The following ARHGEF3 variants were observed in gnomAD, a reference collection of about 807,000 sequenced individuals.
The protein encoded by ARHGEF3 is Rho guanine nucleotide exchange factor 3, also known as 59.8 kDA protein.
ARHGEF3 carries 28 observed loss-of-function variants against 63.2 expected under a neutral mutation model. The ratio of observed to expected loss-of-function variants is 0.44; its 90% CI spans 0.33 to 0.61. The LOEUF (loss-of-function observed/expected upper bound fraction) is 0.61. Ranked by LOEUF, ARHGEF3 falls within the 20% of genes least tolerant of loss-of-function variation. ARHGEF3 has a pLI of 0.03. For synonymous variants in ARHGEF3, 266 were observed against 254.2 expected, an observed-to-expected ratio of 1.05 and a Z score of -0.44; for missense variants, 533 against 659.3, an observed-to-expected ratio of 0.81 and a Z score of 2.10.
chr3:56,986,708 C>T (rs3924042), intron 2 of ARHGEF3, among the ~76,000 whole-genome samples: 80,409 of 151,334 alleles, frequency 0.53, 21,667 homozygotes, highest in East Asian at 0.71. Flanking sequence ...CTGGTCACCT[C>T]GAAGGCAGTT....
intron 6 of ARHGEF3, among the ~76,000 whole-genome samples, 178 bp downstream of exon 6, chr3:56,750,878 C>A (rs997185582): frequency 1.3e-4 from 19 of 151,652 alleles, no homozygotes; most frequent in African/African-American, 4.4e-4. Flanking sequence ...AAACTATTTT[C>A]ATGCTTTAAA....
chr3:57,002,479 T>TATATATATATATATATATATATA (rs1285310560), intron 2 of ARHGEF3, among the ~76,000 whole-genome samples: 1 of 39,466 alleles, frequency 2.5e-5, no homozygotes, highest in African/African-American at 1.5e-4. Flanking sequence ...TATATATATG[T>TATATATATATATATATATATATA]TATATATATA....
At chr3:57,016,336 G>A (rs371637494) in intron 2 of ARHGEF3, among the ~76,000 whole-genome samples, 180 of 151,522 alleles carry the variant, frequency 1.2e-3, no homozygotes, top group African/African-American at 4.2e-3. Context: ...GAGGTCAGGG[G>A]TTCAATATCA....
At chr3:56,999,396 A>G (rs1232807709) in intron 2 of ARHGEF3, among the ~76,000 whole-genome samples, 1 of 152,236 alleles carries the variant, frequency 6.6e-6, no homozygotes, top group Non-Finnish European at 1.5e-5. Flanking sequence ...TTAACTTATC[A>G]CAAATCATTC....
intron 1 of ARHGEF3, among the ~76,000 whole-genome samples, chr3:57,036,775 T>C (rs1335943264): frequency 6.6e-6 from 1 of 152,222 alleles, no homozygotes. Context: ...CCCATGTTCT[T>C]CTAAGCTAGT....
chr3:56,877,277 G>A (rs779223709), intron 4 of ARHGEF3, among the ~76,000 whole-genome samples: 24 of 151,616 alleles, frequency 1.6e-4, no homozygotes, highest in South Asian at 6.2e-4. Flanking sequence ...GTACTCTATC[G>A]TTATTAAAAA....
intron 1 of ARHGEF3, among the ~76,000 whole-genome samples, chr3:57,056,837 C>T (rs1704960188): frequency 6.6e-6 from 1 of 152,016 alleles, no homozygotes; most frequent in Non-Finnish European, 1.5e-5. Context: ...GAAGGGCATT[C>T]AGTCAACTGG....
intron 4 of ARHGEF3, among the ~76,000 whole-genome samples, chr3:56,858,571 C>T (rs895318801): frequency 2.4e-4 from 37 of 152,202 alleles, no homozygotes; most frequent in African/African-American, 8.4e-4. Flanking sequence ...TCAACAAGAA[C>T]AACAGATGGT....
intron 8 of ARHGEF3, among the ~76,000 whole-genome samples, chr3:56,733,661 G>A (rs115272683): frequency 0.032 from 4,809 of 151,932 alleles, 83 homozygotes; most frequent in African/African-American, 0.042. Context: ...ATTCCTGAGG[G>A]GACCAGAGTA....
At chr3:56,782,806 C>T (rs2036622167) in intron 1 of ARHGEF3, among the ~76,000 whole-genome samples, 1 of 152,188 alleles carries the variant, frequency 6.6e-6, no homozygotes, top group Non-Finnish European at 1.5e-5. Flanking sequence ...CTCCAACAAT[C>T]TCTTGCCCCG....
At chr3:57,033,924 A>C (rs1306170622) in intron 2 of ARHGEF3, among the ~76,000 whole-genome samples, 1 of 151,990 alleles carries the variant, frequency 6.6e-6, no homozygotes, top group African/African-American at 2.4e-5. Flanking sequence ...GGACACCTGT[A>C]ATCCCAGCTA....
intron 4 of ARHGEF3, among the ~76,000 whole-genome samples, chr3:56,846,687 ACT>A (rs768782515): frequency 3.7e-4 from 57 of 152,084 alleles, no homozygotes; most frequent in Non-Finnish European, 7.5e-4. Context: ...ACTTGTATGG[ACT>A]AACTTCACAA....
rs148439230 is a variant in ARHGEF3, at chr3:57,056,976, T to C, written c.-27-21800A>G. 4.1e-3 allele frequency among the ~76,000 whole-genome samples: 628 copies of C among 151,884 alleles called. 5 individuals are homozygous for C. Among genetic ancestry groups the C allele is most frequent in the African/African-American group, 0.014 (590 of 41,416 alleles). ...CACACACCCCTGCCCCCTGCCCCCTTCCATCTTTTCCTTTAGGTCTAAACA... is the reference window on the plus strand; with the variant it reads ...CACACACCCCTGCCCCCTGCCCCCTCCCATCTTTTCCTTTAGGTCTAAACA... On this transcript the variant is annotated intron_variant, in intron 1 of 12. Coordinates refer to the ARHGEF3 transcript ENST00000338458.
At position 56,909,677 on chromosome 3, in the gene ARHGEF3, A is replaced by G. The variant is rs116654879; in HGVS notation, c.130-27323T>C. Among the ~76,000 whole-genome samples the G allele has an allele frequency of 4.8e-3, 729 of 152,342 alleles. 2 individuals carry two copies. The highest frequency in any genetic ancestry group is 0.017 in the African/African-American group (701 of 41,570). ...ATCACATATTCATTTAGGACCTAAT[A>G]CATGCCGGGCCTTGGGATAGGCGTT... On this transcript the variant is annotated intron_variant, in intron 3 of 12. Coordinates refer to the ARHGEF3 transcript ENST00000338458.
chr3:56,930,459 C>G (rs914594121), intron 3 of ARHGEF3, among the ~76,000 whole-genome samples: 2 of 152,116 alleles, frequency 1.3e-5, no homozygotes, highest in African/African-American at 4.8e-5. Context: ...GGGAAACCAC[C>G]CAGAAAGCAA....
intron 3 of ARHGEF3, among the ~76,000 whole-genome samples, chr3:56,891,182 A>C (rs1420960468): frequency 6.0e-5 from 1 of 16,628 alleles, no homozygotes; most frequent in South Asian, 1.7e-3. Flanking sequence ...TTTAAAAAGT[A>C]AAAAAAAAAA....
chr3:56,924,361 G>A lies in ARHGEF3; in HGVS notation c.129+34462C>T, dbSNP rs116853917. On this transcript the variant is annotated intron_variant, in intron 3 of 12. Transcript: ENST00000338458. ...TAGATGAAAGCTGCTGAGGCCCAGC[G>A]ACACTACGTGTTCCTTACTCCATGA... Among the ~76,000 whole-genome samples the A allele has an allele frequency of 4.9e-4, 74 of 152,282 alleles. 1 individual carries two copies. In the East Asian group the frequency reaches 9.1e-3, roughly 19 times the overall value.
intron 9 of ARHGEF3, chr3:56,732,028 G>A (rs2033200529): frequency 1.6e-6 from 1 of 619,878 alleles, no homozygotes; most frequent in Non-Finnish European, 2.8e-6. Context: ...ACAATCTTAT[G>A]AAGGAGGTAC....
Position 56,755,108 on chromosome 3 carries a change from G to T in ARHGEF3, c.248C>A (p.Ala83Asp). 2 of 1,613,980 alleles carry T rather than the reference G, an allele frequency of 1.2e-6. No individual in the cohort carries two copies. The highest frequency in any genetic ancestry group is 1.7e-6 in the Non-Finnish European group (2 of 1,180,034). ...GGCATTTCTGGACCAGGGTCGGGGG[G>T]CGAGGATGTCAGGGCGGCTCTCACT... ...FRSESRPDIL[A>D]PRPWSRNAAP... Residue 83 changes from alanine (A) to aspartate (D), a missense_variant, in exon 3 of 10, where the codon GCC becomes GAC. By Grantham distance (126) the Ala-to-Asp change is moderately radical (BLOSUM62 -2). Coordinates refer to ENST00000296315, the MANE Select transcript of ARHGEF3 (RefSeq NM_019555.3).
Sources: gnomAD v4.1 joint callset for allele counts (sites outside exome capture counted in the v4.1 genomes callset) on GRCh38, gnomAD v4.1.1 for gene constraint, MANE v1.5 for transcripts, NCBI Gene and HGNC (gene_info 2026-07-23, HGNC 2026-07-21) for gene names.